The following MACROD2 variants were observed in gnomAD, a reference collection of about 807,000 sequenced individuals.
MACROD2 encodes the protein mono-ADP ribosylhydrolase 2, also known as ADP-ribose glycohydrolase MACROD2.
Under a neutral mutation model 70.4 loss-of-function variants are expected in MACROD2, and 36 were observed. That is an observed-to-expected ratio of 0.51 (90% CI 0.39 to 0.68). The LOEUF is 0.68. Ranked by LOEUF, MACROD2 falls within the 30% of genes least tolerant of loss-of-function variation. MACROD2 has a pLI of 0.00. For synonymous variants in MACROD2, 172 were observed against 178.8 expected (o/e 0.96, Z 0.30); for missense variants, 496 against 538.4 (o/e 0.92, Z 0.78).
At chr20:15,545,843 A>G (rs1371996301) in intron 8 of MACROD2, among the ~76,000 whole-genome samples, 2 of 152,220 alleles carry the variant, frequency 1.3e-5, no homozygotes, top group Non-Finnish European at 2.9e-5. Context: ...AGGTTATGAG[A>G]TGGAGGGCAG....
chr20:14,663,283 G>C, intron 4 of MACROD2, among the ~76,000 whole-genome samples: 1 of 151,918 alleles, frequency 6.6e-6, no homozygotes, highest in East Asian at 1.9e-4. Flanking sequence ...TAAATGATAA[G>C]AACACATGGA....
intron 5 of MACROD2, among the ~76,000 whole-genome samples, chr20:14,863,436 C>A (rs544502722): frequency 6.6e-6 from 1 of 152,162 alleles, no homozygotes; most frequent in East Asian, 1.9e-4. Context: ...GTTGTGAACA[C>A]GACTATTTTA....
At chr20:14,593,357 TAC>T (rs1981909118) in intron 4 of MACROD2, among the ~76,000 whole-genome samples, 1 of 152,206 alleles carries the variant, frequency 6.6e-6, no homozygotes, top group Admixed American at 6.5e-5. Context: ...GCTGTTTATA[TAC>T]AGTGTGAATT....
rs371471821 is a variant in MACROD2 at position 15,329,789 on chromosome 20, C to A, written c.540+99728C>A. ...ATAATTTTAGGATTCTATCCCCGAC[C>A]TACTGAAACAGAAACGCTGATGGCA... On this transcript the variant is annotated intron_variant, in intron 6 of 17. Transcript: ENST00000684519. Among the ~76,000 whole-genome samples the A allele has an allele frequency of 3.2e-4, 48 of 152,104 alleles. No individual in the cohort carries two copies. In the East Asian group the frequency reaches 8.9e-3, roughly 28 times the overall value.
intron 3 of MACROD2, among the ~76,000 whole-genome samples, chr20:14,311,596 C>T (rs1242115389): frequency 6.6e-6 from 1 of 152,198 alleles, no homozygotes; most frequent in African/African-American, 2.4e-5. Flanking sequence ...TGGCTGACTG[C>T]AACCTCTGCC....
At chr20:14,615,977 G>A in intron 4 of MACROD2, among the ~76,000 whole-genome samples, 1 of 152,220 alleles carries the variant, frequency 6.6e-6, no homozygotes, top group African/African-American at 2.4e-5. Context: ...AGTGAAGAGA[G>A]GCACAGTGAT....
At chr20:14,791,902 A>G (rs963028756) in intron 5 of MACROD2, among the ~76,000 whole-genome samples, 1 of 151,910 alleles carries the variant, frequency 6.6e-6, no homozygotes, top group Non-Finnish European at 1.5e-5. Flanking sequence ...TAATTTTGAA[A>G]TGTTAATAAT....
At chr20:14,339,905 T>C (rs1042177917) in intron 3 of MACROD2, among the ~76,000 whole-genome samples, 42 of 152,224 alleles carry the variant, frequency 2.8e-4, no homozygotes, top group African/African-American at 9.4e-4. Flanking sequence ...CAAAAATATA[T>C]ACTCTTTTGC....
chr20:14,181,196 A>G (rs2081302478), intron 3 of MACROD2, among the ~76,000 whole-genome samples: 1 of 151,584 alleles, frequency 6.6e-6, no homozygotes, highest in African/African-American at 2.4e-5. Flanking sequence ...AGCCTCCCAA[A>G]TAGATGAGAC....
At chr20:14,123,873 G>C (rs971435319) in intron 3 of MACROD2, among the ~76,000 whole-genome samples, 6 of 152,124 alleles carry the variant, frequency 3.9e-5, no homozygotes, top group Non-Finnish European at 7.4e-5. Context: ...AAATTTGTTA[G>C]AGATACAACT....
chr20:15,926,168 TCA>T (rs1362827385), intron 10 of MACROD2, among the ~76,000 whole-genome samples: 1 of 152,158 alleles, frequency 6.6e-6, no homozygotes, highest in African/African-American at 2.4e-5. Context: ...GGGTGTATTA[TCA>T]CAAGGTCCTG....
At chr20:14,342,633 A>C (rs973350579) in intron 3 of MACROD2, among the ~76,000 whole-genome samples, 1 of 152,204 alleles carries the variant, frequency 6.6e-6, no homozygotes, top group Non-Finnish European at 1.5e-5. Context: ...TATTGGAGAA[A>C]TAATTAGATT....
intron 8 of MACROD2, among the ~76,000 whole-genome samples, chr20:15,521,266 G>A (rs2047649129): frequency 6.6e-6 from 1 of 152,176 alleles, no homozygotes; most frequent in African/African-American, 2.4e-5. Flanking sequence ...GTTTTTCAGT[G>A]AGCATGGCAG....
chr20:14,491,107 TA>T (rs1819789180), intron 3 of MACROD2, among the ~76,000 whole-genome samples: 1 of 152,154 alleles, frequency 6.6e-6, no homozygotes, highest in African/African-American at 2.4e-5. Context: ...ATGGAAGAAG[TA>T]ACGTGAAGCT....
chr20:14,784,681 GC>G (rs2072345942), intron 5 of MACROD2, among the ~76,000 whole-genome samples: 1 of 108,486 alleles, frequency 9.2e-6, no homozygotes, highest in East Asian at 2.9e-4. Context: ...GGGGGGGGGG[GC>G]ACCAGATTCA....
intron 4 of MACROD2, among the ~76,000 whole-genome samples, chr20:14,646,071 A>G (rs1985377382): frequency 2.0e-5 from 3 of 149,798 alleles, no homozygotes; most frequent in African/African-American, 7.3e-5. Flanking sequence ...ATATTAAATA[A>G]ATAAGTTATA....
At chr20:14,821,861 G>A (rs1380000191) in intron 5 of MACROD2, among the ~76,000 whole-genome samples, 1 of 152,068 alleles carries the variant, frequency 6.6e-6, no homozygotes, top group African/African-American at 2.4e-5. Flanking sequence ...AAGCCTGCCA[G>A]TGTATACTTA....
chr20:15,987,025 C>A, intron 14 of MACROD2, 41 bp from the exon 15 acceptor site: 1 of 1,527,472 alleles, frequency 6.5e-7, no homozygotes, highest in Non-Finnish European at 8.9e-7. Context: ...ATGATTCCAA[C>A]TAAAACAACC....
intron 2 of MACROD2, among the ~76,000 whole-genome samples, chr20:14,048,022 G>C (rs2053503707): frequency 6.7e-6 from 1 of 149,436 alleles, no homozygotes; most frequent in East Asian, 2.0e-4. Context: ...TTCTTTTAAT[G>C]CTGCACTGGA....
Sources: gnomAD v4.1 joint callset for allele counts (sites outside exome capture counted in the v4.1 genomes callset) on GRCh38, gnomAD v4.1.1 for gene constraint, MANE v1.5 for transcripts, NCBI Gene and HGNC (gene_info 2026-07-23, HGNC 2026-07-21) for gene names.